The following CTSO variants were observed in gnomAD, a reference collection of about 807,000 sequenced individuals.
CTSO encodes the protein cathepsin O.
A neutral mutation model predicts 42.4 loss-of-function variants in CTSO; 40 were observed. The ratio of observed to expected loss-of-function variants is 0.94; its 90% confidence interval spans 0.73 to 1.23. The LOEUF is 1.23. CTSO is among the 50% of genes most tolerant of loss of function. The pLI, the probability that CTSO is intolerant of heterozygous loss-of-function variation, is 0.00. For synonymous variants in CTSO, 156 were observed against 146.2 expected, an observed-to-expected ratio of 1.07 and a Z score of -0.48; for missense variants, 441 against 396.0, an observed-to-expected ratio of 1.11 and a Z score of -0.96.
intron 5 of CTSO, 111 bp from the exon 6 acceptor site, chr4:155,929,816 G>T: frequency 2.0e-6 from 2 of 996,954 alleles, no homozygotes; most frequent in South Asian, 1.8e-5. Context: ...AGTTACAAAG[G>T]ACCTAAACAA....
At chr4:155,930,313 G>T (rs943920492) in intron 5 of CTSO, among the ~76,000 whole-genome samples, 6 of 152,162 alleles carry the variant, frequency 3.9e-5, no homozygotes, top group African/African-American at 1.2e-4. Context: ...ATAGGGAAGG[G>T]CTACTCAAAA....
chr4:155,944,532 G>C (rs1390660956), intron 1 of CTSO, among the ~76,000 whole-genome samples: 1 of 152,188 alleles, frequency 6.6e-6, no homozygotes, highest in Non-Finnish European at 1.5e-5. Flanking sequence ...ATCTTTGTGA[G>C]CTGGAGTAGT....
At chr4:155,940,935 A>G (rs1385004834) in intron 3 of CTSO, among the ~76,000 whole-genome samples, 2 of 152,180 alleles carry the variant, frequency 1.3e-5, no homozygotes, top group African/African-American at 2.4e-5. Flanking sequence ...CTTAAAAAAA[A>G]AAAAAAGTCT....
intron 4 of CTSO, among the ~76,000 whole-genome samples, chr4:155,938,751 C>T (rs904916405): frequency 5.3e-5 from 8 of 151,924 alleles, no homozygotes; most frequent in Non-Finnish European, 1.2e-4. Flanking sequence ...ATGGTGAAAC[C>T]ATGTCTTTAC....
chr4:155,953,809 C>T lies in CTSO; in HGVS notation c.39G>A (p.Leu13=). ...CGCCGCCGCCCCGGCACAGCAGCCACAGCAGCCACGGCAGCCACGGCAGCG... is the reference window on the plus strand; with the variant it reads ...CGCCGCCGCCCCGGCACAGCAGCCATAGCAGCCACGGCAGCCACGGCAGCG... ...VRALPWLPWL[L]WLLCRGGGDA... Residue 13 remains leucine, a synonymous_variant, in exon 1 of 8, where the codon CTG becomes CTA. Coordinates refer to ENST00000433477, the MANE Select transcript of CTSO (RefSeq NM_001334.3). The T allele has an allele frequency of 7.4e-7, 1 of 1,349,116 alleles. No individual in the cohort carries two copies. The highest frequency in any genetic ancestry group is 9.5e-7 in the Non-Finnish European group (1 of 1,047,456). 83.6% of individuals were successfully genotyped at this position (1,349,116 alleles called of 1,614,324 possible).
At position 155,929,679 on chromosome 4, in the gene CTSO, G is replaced by A. The variant is rs1328486030; in HGVS notation, c.701C>T (p.Ala234Val). Residue 234 changes from alanine to valine, a missense_variant, in exon 6 of 8, where the codon GCA becomes GTA. By Grantham distance (64) the Ala-to-Val change is moderately conservative. Coordinates refer to ENST00000433477, the MANE Select transcript of CTSO (RefSeq NM_001334.3). ...FSDQEDEMAK[A>V]LLTFGPLVVI... ...TACCAAAGGGCCAAAGGTAAGAAGTGCTTTTGCCATTTCATCTTCTTGGTC... is the reference window on the plus strand; with the variant it reads ...TACCAAAGGGCCAAAGGTAAGAAGTACTTTTGCCATTTCATCTTCTTGGTC... 1.2e-6 allele frequency: 2 copies of A among 1,610,866 alleles called. No individual in the cohort carries two copies. Among genetic ancestry groups the A allele is most frequent in the Admixed American group, 1.7e-5 (1 of 59,234 alleles).
chr4:155,937,766 C>T (rs1305797126), intron 4 of CTSO, among the ~76,000 whole-genome samples: 1 of 152,040 alleles, frequency 6.6e-6, no homozygotes, highest in Non-Finnish European at 1.5e-5. Flanking sequence ...AGGTATGAGC[C>T]ACCACGCCAG....
At chr4:155,936,444 T>C (rs1279934393) in intron 5 of CTSO, among the ~76,000 whole-genome samples, 1 of 152,206 alleles carries the variant, frequency 6.6e-6, no homozygotes, top group African/African-American at 2.4e-5. Flanking sequence ...TCAGGACCAC[T>C]AAGTCATAGG....
At chr4:155,949,266 G>T (rs999497222) in intron 1 of CTSO, among the ~76,000 whole-genome samples, 1 of 152,180 alleles carries the variant, frequency 6.6e-6, no homozygotes, top group Non-Finnish European at 1.5e-5. Flanking sequence ...TGGTGGAGGG[G>T]TATAGTTATT....
chr4:155,926,482 C>T lies in CTSO; in HGVS notation c.932-412G>A, dbSNP rs138577912. ...ATGTGGGTAAAACTTTAATAAATCA[C>T]GAGTGTGCTATGCTTTCTTTACACA... is the stretch of plus-strand genomic sequence containing the variant. On this transcript the variant is annotated intron_variant, in intron 7 of 7. Coordinates refer to ENST00000433477, the MANE Select transcript of CTSO (RefSeq NM_001334.3). 1.2e-4 allele frequency among the ~76,000 whole-genome samples: 19 copies of T among 152,266 alleles called. No individual in the cohort carries two copies. The East Asian group carries it at 3.1e-3, about 25-fold the overall frequency.
rs559416634 is a variant in CTSO, at chr4:155,927,876, G to A, written c.931+460C>T. Among the ~76,000 whole-genome samples the A allele has an allele frequency of 1.2e-3, 183 of 151,994 alleles. 1 individual carries two copies. Among genetic ancestry groups the A allele is most frequent in the African/African-American group, 4.3e-3 (180 of 41,468 alleles). ...TGCTAGAATTTTGTAGGTGGCAAGG[G>A]GCATATTAAATCACAAACAATACTA... is the stretch of plus-strand genomic sequence containing the variant. On this transcript the variant is annotated intron_variant, in intron 7 of 7. Transcript: ENST00000433477.
chr4:155,953,320 G>T (rs1365657605), intron 1 of CTSO, among the ~76,000 whole-genome samples: 1 of 151,974 alleles, frequency 6.6e-6, no homozygotes, highest in African/African-American at 2.4e-5. Flanking sequence ...GCTGCTCCCT[G>T]TTTCTGGTTC....
chr4:155,929,863 G>A (rs1461232403), intron 5 of CTSO, among the ~76,000 whole-genome samples, 158 bp from the exon 6 acceptor site: 2 of 152,174 alleles, frequency 1.3e-5, no homozygotes, highest in African/African-American at 4.8e-5. Context: ...GTCTATGGCT[G>A]GGATAGGGTT....
intron 1 of CTSO, among the ~76,000 whole-genome samples, chr4:155,951,199 T>C (rs1743667788): frequency 6.6e-6 from 1 of 152,208 alleles, no homozygotes; most frequent in Non-Finnish European, 1.5e-5. Flanking sequence ...TACTTTGGCA[T>C]AGATATTATT....
At chr4:155,951,496 T>A (rs1046476099) in intron 1 of CTSO, among the ~76,000 whole-genome samples, 3 of 152,218 alleles carry the variant, frequency 2.0e-5, no homozygotes, top group Admixed American at 6.5e-5. Flanking sequence ...TAGTTTTCAC[T>A]GAACAATACT....
intron 5 of CTSO, 121 bp from the exon 6 acceptor site, chr4:155,929,826 A>C: frequency 1.2e-6 from 1 of 850,760 alleles, no homozygotes; most frequent in Non-Finnish European, 1.7e-6. Flanking sequence ...GACCTAAACA[A>C]TGGAAGCTAA....
intron 1 of CTSO, among the ~76,000 whole-genome samples, chr4:155,952,874 G>A (rs773060385): frequency 2.6e-5 from 4 of 152,136 alleles, no homozygotes; most frequent in African/African-American, 4.8e-5. Context: ...ATTAAATCAT[G>A]ATAATGGCAT....
intron 3 of CTSO, 22 bp downstream of exon 3, chr4:155,942,295 A>G: frequency 6.5e-7 from 1 of 1,540,614 alleles, no homozygotes; most frequent in Non-Finnish European, 8.7e-7. Context: ...ATGATTAGAA[A>G]AGAAGAGGGA....
At position 155,943,277 on chromosome 4, in the gene CTSO, C is replaced by T; in HGVS notation, c.136-13G>A. On this transcript the variant is annotated splice_polypyrimidine_tract_variant and intron_variant, in intron 1 of 7. Transcript: ENST00000433477. ...TATTAAGACTTTCCTAGAAGAAAAA[C>T]AAAAACTATTTCATATCCACTATGT... 6.6e-7 allele frequency: 1 copy of T among 1,507,280 alleles called. No homozygotes were observed. Among genetic ancestry groups the T allele is most frequent in the Non-Finnish European group, 9.2e-7 (1 of 1,088,486 alleles). The allele number at this position is 1,507,280 out of a possible 1,614,324, so 93.4% of individuals were successfully genotyped here. A position where few individuals can be genotyped will look rare whatever the true frequency, so the allele number is the denominator to read the frequency against.
Sources: allele counts gnomAD v4.1 joint callset (sites outside exome capture counted in the v4.1 genomes callset), GRCh38; gene constraint gnomAD v4.1.1; transcripts MANE v1.5; gene names NCBI Gene and HGNC (gene_info 2026-07-23, HGNC 2026-07-21).